PROSER1: variants seen among roughly 807,000 people sequenced by gnomAD.
PROSER1 encodes the protein proline and serine-rich protein 1.
A neutral mutation model predicts 71.8 loss-of-function variants in PROSER1; 36 were observed. That is an observed-to-expected ratio of 0.50 (90% CI 0.38 to 0.66). The LOEUF (loss-of-function observed/expected upper bound fraction) is 0.66. Ranked by LOEUF, PROSER1 falls within the 30% of genes least tolerant of loss-of-function variation. The pLI, the probability that PROSER1 is intolerant of heterozygous loss-of-function variation, is 0.00. For missense variants in PROSER1, 1,107 were observed against 1,135.0 expected (o/e 0.98, Z 0.35); for synonymous variants, 490 against 452.4 (o/e 1.08, Z -1.06).
intron 1 of PROSER1, among the ~76,000 whole-genome samples, chr13:39,034,549 T>C (rs955735990): frequency 5.3e-5 from 8 of 152,250 alleles, no homozygotes; most frequent in African/African-American, 1.7e-4. Context: ...CAAATCCAAA[T>C]TGTCATTTTT....
chr13:39,017,491 G>A lies in PROSER1; in HGVS notation c.775+9C>T. 1 of 1,519,414 alleles carries A rather than the reference G, an allele frequency of 6.6e-7. No individual in the cohort carries two copies. Among genetic ancestry groups the A allele is most frequent in the Non-Finnish European group, 9.1e-7 (1 of 1,103,134 alleles). The allele number at this position is 1,519,414 out of a possible 1,614,324, so 94.1% of individuals were successfully genotyped here. A position where few individuals can be genotyped will look rare whatever the true frequency, so the allele number is the denominator to read the frequency against. On this transcript the variant is annotated intron_variant, in intron 10 of 12. Coordinates refer to ENST00000352251, the MANE Select transcript of PROSER1 (RefSeq NM_025138.5). ...TATCCGTTATCTCTGGATCAAATTT[G>A]CTACTTACTTTGATTCTGTATAGGT... is the stretch of plus-strand genomic sequence containing the variant.
In PROSER1 at chr13:39,012,162, C is replaced by T; in HGVS notation, c.2633G>A (p.Gly878Glu). Reference sequence around the variant, plus strand: ...TGATTGTGAAGGATTCTGAGGAAACCCAGGGATACCCGGGAGGGACAAAAG... The same window carrying T: ...TGATTGTGAAGGATTCTGAGGAAACTCAGGGATACCCGGGAGGGACAAAAG... Reference protein sequence around the residue: ...PGLLSLPGIPGFPQNPSQSSL... With the variant: ...PGLLSLPGIPEFPQNPSQSSL... Residue 878 changes from glycine to glutamate, a missense_variant, in exon 12 of 13, where the codon GGG (glycine) becomes GAG (glutamate). Coordinates refer to ENST00000352251, the MANE Select transcript of PROSER1 (RefSeq NM_025138.5). 1 of 1,614,094 alleles carries T rather than the reference C, an allele frequency of 6.2e-7. No homozygotes were observed. Among genetic ancestry groups the T allele is most frequent in the Non-Finnish European group, 8.5e-7 (1 of 1,179,990 alleles).
At chr13:39,029,650 A>C (rs1870738695) in intron 3 of PROSER1, among the ~76,000 whole-genome samples, 1 of 152,156 alleles carries the variant, frequency 6.6e-6, no homozygotes, top group South Asian at 2.1e-4. Context: ...TACAGAATTA[A>C]AAAAATCAGA....
chr13:39,035,866 T>C (rs1053635219), intron 1 of PROSER1, among the ~76,000 whole-genome samples: 1 of 152,222 alleles, frequency 6.6e-6, no homozygotes. Flanking sequence ...TGTTGATGTG[T>C]CTAATCACTC....
intron 9 of PROSER1, among the ~76,000 whole-genome samples, chr13:39,021,290 T>G (rs192971509): frequency 6.6e-6 from 1 of 152,292 alleles, no homozygotes; most frequent in African/African-American, 2.4e-5. Flanking sequence ...CAGTCATCCA[T>G]CAATTTCAGT....
In PROSER1 at chr13:39,012,804, TGCGACTGTAGAGG is replaced by T; in HGVS notation, c.2435_2447del (p.Pro812GlnfsTer133). Reference sequence around the variant, plus strand: ...CAGCCACAGGTAGTGGTGTGACAGCTGCGACTGTAGAGGGCGCCTGCAGCCCCGGGAATGAGGG... The same window carrying T: ...CAGCCACAGGTAGTGGTGTGACAGCTGCGCCTGCAGCCCCGGGAATGAGGG... On this transcript the variant is annotated frameshift_variant, in exon 11 of 13. Coordinates refer to ENST00000352251, the MANE Select transcript of PROSER1 (RefSeq NM_025138.5). LOFTEE classifies it high-confidence loss of function. 1 of 1,614,172 alleles carries T rather than the reference TGCGACTGTAGAGG, an allele frequency of 6.2e-7. No individual in the cohort carries two copies.
rs1426830632 is a variant in PROSER1, at chr13:39,011,358, A to G, written c.*7T>C. ...TTGCTCTGAAGGAGAATAAAAGTTA[A>G]AAGTATTCACTGCCACCCACTCTGG... On this transcript the variant is annotated 3_prime_UTR_variant, in exon 13 of 13. Coordinates refer to ENST00000352251, the MANE Select transcript of PROSER1 (RefSeq NM_025138.5). 3 of 1,613,794 alleles carry G rather than the reference A, an allele frequency of 1.9e-6. No homozygotes were observed. The African/African-American group carries it at 4.0e-5, about 22-fold the overall frequency.
At chr13:39,019,557 G>A (rs965389875) in intron 9 of PROSER1, among the ~76,000 whole-genome samples, 4 of 141,500 alleles carry the variant, frequency 2.8e-5, no homozygotes, top group Non-Finnish European at 6.1e-5. Context: ...GAATATGGAA[G>A]TAAAATGATA....
At chr13:39,035,728 G>A (rs1871071045) in intron 1 of PROSER1, among the ~76,000 whole-genome samples, 1 of 152,090 alleles carries the variant, frequency 6.6e-6, no homozygotes, top group African/African-American at 2.4e-5. Flanking sequence ...TAAACTCACT[G>A]TGATACTCAA....
intron 9 of PROSER1, 118 bp from the exon 10 acceptor site, chr13:39,017,662 G>A: frequency 1.7e-6 from 1 of 605,528 alleles, no homozygotes; most frequent in East Asian, 3.0e-5. Context: ...GACTATGTTA[G>A]GAAAAAAATG....
chr13:39,035,820 G>A (rs761047525), intron 1 of PROSER1, among the ~76,000 whole-genome samples: 2 of 152,172 alleles, frequency 1.3e-5, no homozygotes, highest in African/African-American at 2.4e-5. Context: ...ATTTAGATAT[G>A]CCAATATTTT....
intron 6 of PROSER1, 22 bp downstream of exon 6, chr13:39,026,255 A>G: frequency 6.9e-7 from 1 of 1,445,084 alleles, no homozygotes; most frequent in Non-Finnish European, 9.7e-7. Flanking sequence ...AGTTTCATAT[A>G]CAGCTACAGA....
chr13:39,026,365 G>A lies in PROSER1; in HGVS notation c.392C>T (p.Ala131Val). Residue 131 changes from alanine to valine, a missense_variant, in exon 6 of 13, where the codon GCT becomes GTT. Coordinates refer to ENST00000352251, the MANE Select transcript of PROSER1 (RefSeq NM_025138.5). The part of the protein sequence containing the change: ...LEQAFKGGCK[A>V]PHAMISSCGT... The stretch of plus-strand genomic sequence containing the variant: ...ACAAGAAGATATCATAGCATGAGGA[G>A]CTTTGCAGCCCCCCTTGAAAGCCTG... 1 of 1,611,218 alleles carries A rather than the reference G, an allele frequency of 6.2e-7. No individual in the cohort carries two copies.
At chr13:39,015,087 A>C (rs947786268) in intron 10 of PROSER1, among the ~76,000 whole-genome samples, 1 of 152,172 alleles carries the variant, frequency 6.6e-6, no homozygotes, top group Non-Finnish European at 1.5e-5. Context: ...TAGGGGCAAA[A>C]GCTGTGTCTA....
chr13:39,022,714 T>C lies in PROSER1; in HGVS notation c.644-302A>G, dbSNP rs576514829. 465 of 386,788 alleles carry C rather than the reference T, an allele frequency of 1.2e-3. 1 individual carries two copies. Among genetic ancestry groups the C allele is most frequent in the African/African-American group, 9.1e-3 (449 of 49,572 alleles). The allele number at this position is 386,788 out of a possible 1,614,324, so 24.0% of individuals were successfully genotyped here. A position where few individuals can be genotyped will look rare whatever the true frequency, so the allele number is the denominator to read the frequency against. ...TTATTTGTCTTTTCTGCCAAACGCA[T>C]ATACTTGACTTTTTGAAGTTAAATG... On this transcript the variant is annotated intron_variant, in intron 8 of 12. Transcript: ENST00000352251.
At position 39,034,195 on chromosome 13, in the gene PROSER1, G is replaced by C. The variant is rs2138137565; in HGVS notation, c.47C>G (p.Ala16Gly). The stretch of plus-strand genomic sequence containing the variant: ...TTTTAATTTGTATTCTGTCAAAACA[G>C]CCTAAAAAAAAAAAACACACACACA... ...FEMVLDEIRKAVLTEYKLKAI... is the reference protein window; with the variant it reads ...FEMVLDEIRKGVLTEYKLKAI... Residue 16 changes from alanine to glycine, a missense_variant and splice_region_variant, in exon 2 of 13, where the codon GCT (alanine) becomes GGT (glycine). Ala to Gly is a moderately conservative substitution (Grantham distance 60). Coordinates refer to ENST00000352251, the MANE Select transcript of PROSER1 (RefSeq NM_025138.5). 1 of 1,571,452 alleles carries C rather than the reference G, an allele frequency of 6.4e-7. No homozygotes were observed. The highest frequency in any genetic ancestry group is 8.6e-7 in the Non-Finnish European group (1 of 1,161,654).
rs771669084 is a variant in PROSER1, at chr13:39,012,899, T to C, written c.2353A>G (p.Asn785Asp). 5 of 1,614,046 alleles carry C rather than the reference T, an allele frequency of 3.1e-6. No individual in the cohort carries two copies. The South Asian group carries it at 4.4e-5, about 14-fold the overall frequency. ...ACAGAAAAGCCTGGATAGGAGGGAT[T>C]TGAAGATGACAGAGGTCCTTGAGTA... Reference protein sequence around the residue: ...SVTQGPLSSSNPSYPGFSVSN... With the variant: ...SVTQGPLSSSDPSYPGFSVSN... Residue 785 changes from asparagine to aspartate, a missense_variant, in exon 11 of 13, where the codon AAT becomes GAT. Asn to Asp is a conservative substitution (Grantham distance 23, BLOSUM62 1). Transcript: ENST00000352251.
chr13:39,030,081 A>G (rs1870764640), intron 3 of PROSER1, among the ~76,000 whole-genome samples: 1 of 152,198 alleles, frequency 6.6e-6, no homozygotes, highest in Non-Finnish European at 1.5e-5. Flanking sequence ...AATATCCAAG[A>G]GCTCCTAAAA....
intron 4 of PROSER1, 33 bp downstream of exon 4, chr13:39,029,243 CAAGTA>C (rs776962110): frequency 2.9e-6 from 3 of 1,050,752 alleles, no homozygotes; most frequent in Non-Finnish European, 4.0e-6. Flanking sequence ...CATTTTTTCC[CAAGTA>C]AAAAAAAAAA....
Sources: allele counts gnomAD v4.1 joint callset (sites outside exome capture counted in the v4.1 genomes callset), GRCh38; gene constraint gnomAD v4.1.1; transcripts MANE v1.5; gene names NCBI Gene and HGNC (gene_info 2026-07-23, HGNC 2026-07-21).